The following NEGR1 variants were observed in gnomAD, a reference collection of about 807,000 sequenced individuals.
NEGR1 encodes the protein IgLON family member 4.
In NEGR1, 10 loss-of-function variants were observed where a neutral mutation model predicts 40.9. The ratio of observed to expected loss-of-function variants is 0.24; its 90% CI spans 0.15 to 0.42. The LOEUF (loss-of-function observed/expected upper bound fraction) is 0.42, where lower values mean the gene tolerates loss of function less well. NEGR1 is among the 10% of genes least tolerant of loss of function. NEGR1 has a pLI of 1.00. For synonymous variants in NEGR1, 185 were observed against 166.8 expected, an observed-to-expected ratio of 1.11 and a Z score of -0.84; for missense variants, 352 against 438.9, an observed-to-expected ratio of 0.80 and a Z score of 1.77.
intron 1 of NEGR1, among the ~76,000 whole-genome samples, chr1:72,200,286 G>T (rs543213319): frequency 1.3e-5 from 2 of 151,984 alleles, no homozygotes; most frequent in Non-Finnish European, 2.9e-5. Flanking sequence ...TCAGCAGTGG[G>T]CTCGATAAAG....
intron 3 of NEGR1, among the ~76,000 whole-genome samples, chr1:71,751,880 A>G (rs1655581846): frequency 6.6e-6 from 1 of 152,226 alleles, no homozygotes; most frequent in Non-Finnish European, 1.5e-5. Flanking sequence ...TATGTGGAGG[A>G]CATTATGTGA....
At chr1:71,823,816 T>A (rs753300509) in intron 2 of NEGR1, among the ~76,000 whole-genome samples, 2 of 152,074 alleles carry the variant, frequency 1.3e-5, no homozygotes, top group Non-Finnish European at 1.5e-5. Flanking sequence ...GCCTGCAGAT[T>A]TACGGCCAAC....
At chr1:71,909,804 T>A (rs576167919) in intron 2 of NEGR1, among the ~76,000 whole-genome samples, 4 of 152,306 alleles carry the variant, frequency 2.6e-5, no homozygotes, top group Non-Finnish European at 4.4e-5. Context: ...AATCAATACA[T>A]TAATATTGAG....
intron 1 of NEGR1, among the ~76,000 whole-genome samples, chr1:71,991,132 T>C (rs1646446994): frequency 6.6e-6 from 1 of 152,096 alleles, no homozygotes; most frequent in Non-Finnish European, 1.5e-5. Flanking sequence ...ACTTCTTTGC[T>C]CAGGTGGTCA....
At chr1:72,223,006 C>T (rs1570141710) in intron 1 of NEGR1, among the ~76,000 whole-genome samples, 1 of 152,110 alleles carries the variant, frequency 6.6e-6, no homozygotes, top group Admixed American at 6.6e-5. Flanking sequence ...GTTGTGCCTA[C>T]TGGACATTTA....
rs533569616 is a variant in NEGR1, at chr1:71,908,284, T to G, written c.409+26795A>C. ...GAATGTTCTATACAACATTTTTGAA[T>G]CTTCTCCAGCACAGCTTTCATTCTA... On this transcript the variant is annotated intron_variant, in intron 2 of 6. Coordinates refer to ENST00000357731, the MANE Select transcript of NEGR1 (RefSeq NM_173808.3). Among the ~76,000 whole-genome samples the G allele has an allele frequency of 3.0e-4, 46 of 152,178 alleles. 1 individual carries two copies. The East Asian group carries it at 4.6e-3, about 15-fold the overall frequency.
chr1:72,149,712 A>G lies in NEGR1; in HGVS notation c.176+132607T>C, dbSNP rs1459188197. On this transcript the variant is annotated intron_variant, in intron 1 of 6. Transcript: ENST00000357731. ...AGACTGACCAACGTGGAGAAACCCCACCACTACTAAAAATACAAAATTAGC... is the reference window on the plus strand; with the variant it reads ...AGACTGACCAACGTGGAGAAACCCCGCCACTACTAAAAATACAAAATTAGC... 3.3e-5 allele frequency among the ~76,000 whole-genome samples: 5 copies of G among 151,604 alleles called. No individual in the cohort carries two copies. The South Asian group carries it at 8.3e-4, about 25-fold the overall frequency.
intron 3 of NEGR1, among the ~76,000 whole-genome samples, chr1:71,699,114 T>G (rs1369926466): frequency 6.6e-6 from 1 of 152,012 alleles, no homozygotes; most frequent in Non-Finnish European, 1.5e-5. Context: ...ATTAAATTGT[T>G]TGTTTTCAAA....
chr1:72,035,808 G>A (rs527515283), intron 1 of NEGR1, among the ~76,000 whole-genome samples: 9 of 152,174 alleles, frequency 5.9e-5, no homozygotes, highest in African/African-American at 2.2e-4. Flanking sequence ...TCTTTTTACA[G>A]CCCCAATTTT....
At chr1:71,476,970 A>G (rs1423961450) in intron 6 of NEGR1, 1 of 152,116 alleles carries the variant, frequency 6.6e-6, no homozygotes, top group Non-Finnish European at 1.5e-5. Context: ...TATACCAGGT[A>G]AAATAAAAAT....
chr1:71,409,405 C>T (rs1395554848), intron 6 of NEGR1, among the ~76,000 whole-genome samples: 3 of 151,766 alleles, frequency 2.0e-5, no homozygotes, highest in Non-Finnish European at 2.9e-5. Flanking sequence ...AATTTAAAAG[C>T]TAAGCATAAA....
intron 1 of NEGR1, among the ~76,000 whole-genome samples, chr1:72,257,985 A>T (rs1655330429): frequency 6.6e-6 from 1 of 152,148 alleles, no homozygotes; most frequent in Non-Finnish European, 1.5e-5. Context: ...AAGAAGTGTG[A>T]AGTGTCCTAA....
intron 2 of NEGR1, among the ~76,000 whole-genome samples, chr1:71,876,114 G>A (rs1385340444): frequency 6.6e-6 from 1 of 152,074 alleles, no homozygotes; most frequent in Non-Finnish European, 1.5e-5. Flanking sequence ...CTTCCTTTGG[G>A]AGGGCAGTCT....
At chr1:71,717,467 T>C (rs1388376941) in intron 3 of NEGR1, among the ~76,000 whole-genome samples, 1 of 152,226 alleles carries the variant, frequency 6.6e-6, no homozygotes, top group Non-Finnish European at 1.5e-5. Flanking sequence ...CCAGTGCCTA[T>C]ATAGATCTGT....
chr1:71,486,518 G>A (rs1412284209), intron 6 of NEGR1: 1 of 151,378 alleles, frequency 6.6e-6, no homozygotes, highest in African/African-American at 2.4e-5. Context: ...CTTATTGTAA[G>A]CACATTCTCA....
At chr1:72,104,474 G>A (rs1649058722) in intron 1 of NEGR1, among the ~76,000 whole-genome samples, 2 of 152,138 alleles carry the variant, frequency 1.3e-5, no homozygotes, top group South Asian at 4.1e-4. Flanking sequence ...AAAAGGCAAG[G>A]AGAAAATTTT....
At chr1:72,052,210 G>A (rs1201455264) in intron 1 of NEGR1, among the ~76,000 whole-genome samples, 1 of 151,422 alleles carries the variant, frequency 6.6e-6, no homozygotes, top group Non-Finnish European at 1.5e-5. Flanking sequence ...CTTCGTCAGG[G>A]TTGATAGTGA....
chr1:71,790,581 G>T (rs1657080091), intron 2 of NEGR1, among the ~76,000 whole-genome samples: 1 of 152,010 alleles, frequency 6.6e-6, no homozygotes, highest in South Asian at 2.1e-4. Context: ...TTTGTTCTCA[G>T]TTGATCTAGT....
chr1:72,244,662 A>G (rs186706882), intron 1 of NEGR1, among the ~76,000 whole-genome samples: 9 of 151,916 alleles, frequency 5.9e-5, no homozygotes, highest in African/African-American at 2.2e-4. Context: ...TCCCCGGGGG[A>G]CATATAGAGT....
Sources: gnomAD v4.1 joint callset for allele counts (sites outside exome capture counted in the v4.1 genomes callset) on GRCh38, gnomAD v4.1.1 for gene constraint, MANE v1.5 for transcripts, NCBI Gene and HGNC (gene_info 2026-07-23, HGNC 2026-07-21) for gene names.